Variants in DPY19L1 observed in about 807,000 individuals in gnomAD.
The protein encoded by DPY19L1 is dpy-19 like C-mannosyltransferase 1.
In DPY19L1, 35 loss-of-function variants were observed where a neutral mutation model predicts 96.9. That is an observed-to-expected ratio of 0.36 (90% confidence interval 0.28 to 0.48). DPY19L1 has a LOEUF of 0.48. DPY19L1 is among the 20% of genes least tolerant of loss of function. DPY19L1 has a pLI of 0.99. For missense variants in DPY19L1, 521 were observed against 777.9 expected (o/e 0.67, Z 3.93); for synonymous variants, 205 against 252.6 (o/e 0.81, Z 1.79).
chr7:34,990,353 C>T (rs1785140982), intron 6 of DPY19L1, among the ~76,000 whole-genome samples: 1 of 152,132 alleles, frequency 6.6e-6, no homozygotes. Flanking sequence ...GAGAGAAAGA[C>T]GTGCAAGGAA....
intron 10 of DPY19L1, among the ~76,000 whole-genome samples, chr7:34,962,314 T>C (rs1478665762): frequency 1.3e-5 from 2 of 152,216 alleles, no homozygotes; most frequent in Non-Finnish European, 2.9e-5. Context: ...GGAAACTTAT[T>C]TGCTTTTTAC....
intron 1 of DPY19L1, among the ~76,000 whole-genome samples, chr7:35,036,010 A>C (rs569712698): frequency 6.6e-6 from 1 of 152,290 alleles, no homozygotes; most frequent in Non-Finnish European, 1.5e-5. Flanking sequence ...ATGGGGGGAA[A>C]AAAAGTACCC....
chr7:34,942,000 G>A (rs1405644174), intron 17 of DPY19L1, 116 bp from the exon 18 acceptor site: 7 of 1,108,348 alleles, frequency 6.3e-6, no homozygotes, highest in Non-Finnish European at 8.8e-6. Context: ...TACTACTAAG[G>A]TTTCTGAAAC....
chr7:35,008,930 C>A (rs925337036), intron 6 of DPY19L1, among the ~76,000 whole-genome samples: 4 of 152,192 alleles, frequency 2.6e-5, no homozygotes, highest in African/African-American at 9.7e-5. Flanking sequence ...AGTCAGCCTC[C>A]TTTTCTCATT....
chr7:34,957,920 T>C, intron 11 of DPY19L1, 64 bp downstream of exon 11: 1 of 1,080,504 alleles, frequency 9.3e-7, no homozygotes, highest in Non-Finnish European at 1.4e-6. Flanking sequence ...CCTAAGCCAG[T>C]GAAGAAAAAA....
rs1320050013 is a variant in DPY19L1, at chr7:34,989,866, T to C, written c.822+18A>G. The C allele has an allele frequency of 1.3e-6, 2 of 1,572,072 alleles. No homozygotes were observed. The highest frequency in any genetic ancestry group is 1.2e-5 in the South Asian group (1 of 81,924). The stretch of plus-strand genomic sequence containing the variant: ...GCATTTCCAGAAGTAATTCTGAGAA[T>C]AGTTTTTGATTACCTACCTCTCCAT... On this transcript the variant is annotated intron_variant, in intron 7 of 21. Coordinates refer to ENST00000638088, the MANE Select transcript of DPY19L1 (RefSeq NM_001366673.1).
intron 9 of DPY19L1, among the ~76,000 whole-genome samples, chr7:34,968,815 A>C (rs1299274504): frequency 3.7e-5 from 5 of 134,446 alleles, no homozygotes; most frequent in Admixed American, 8.1e-5. Context: ...CAACTGCTTT[A>C]TACAAATATA....
intron 6 of DPY19L1, among the ~76,000 whole-genome samples, chr7:34,995,703 A>T (rs1291828508): frequency 6.6e-6 from 1 of 152,216 alleles, no homozygotes; most frequent in Non-Finnish European, 1.5e-5. Flanking sequence ...ATCAGAGTTA[A>T]TTCAAAACTA....
At chr7:34,977,128 T>C (rs528950416) in intron 7 of DPY19L1, among the ~76,000 whole-genome samples, 61 of 152,296 alleles carry the variant, frequency 4.0e-4, no homozygotes, top group South Asian at 2.1e-3. Flanking sequence ...TCACACTTAA[T>C]AGACTATAGT....
At chr7:34,981,370 A>T (rs1784935497) in intron 7 of DPY19L1, among the ~76,000 whole-genome samples, 1 of 152,206 alleles carries the variant, frequency 6.6e-6, no homozygotes, top group African/African-American at 2.4e-5. Context: ...ACCATTTGCA[A>T]TGGCTAATGT....
intron 1 of DPY19L1, 77 bp from the exon 2 acceptor site, chr7:35,018,673 A>G: frequency 1.6e-6 from 2 of 1,286,770 alleles, no homozygotes; most frequent in East Asian, 4.7e-5. Flanking sequence ...TTCAAAGATA[A>G]AGCATGTCAA....
chr7:34,999,708 C>T (rs1215052582), intron 6 of DPY19L1, among the ~76,000 whole-genome samples: 2 of 152,070 alleles, frequency 1.3e-5, no homozygotes, highest in Non-Finnish European at 2.9e-5. Flanking sequence ...TGACAAAGTA[C>T]AAAATAAGTG....
At chr7:35,023,697 G>C (rs1336968951) in intron 1 of DPY19L1, among the ~76,000 whole-genome samples, 1 of 152,118 alleles carries the variant, frequency 6.6e-6, no homozygotes, top group African/African-American at 2.4e-5. Flanking sequence ...AGAGATGGTT[G>C]AACCCAGGTG....
chr7:35,032,052 A>G (rs1252705555), intron 1 of DPY19L1, among the ~76,000 whole-genome samples: 1 of 152,050 alleles, frequency 6.6e-6, no homozygotes, highest in Non-Finnish European at 1.5e-5. Context: ...CCCTTATGCC[A>G]CCCCTAATAT....
Position 34,931,482 on chromosome 7 carries a change from A to G in DPY19L1, c.*91T>C. ...TTCTATTTGAAAACAGTTACCTATAAAAGTTTTTGGGATATGAACAACACA... is the reference window on the plus strand; with the variant it reads ...TTCTATTTGAAAACAGTTACCTATAGAAGTTTTTGGGATATGAACAACACA... On this transcript the variant is annotated 3_prime_UTR_variant, in exon 22 of 22. Coordinates refer to ENST00000638088, the MANE Select transcript of DPY19L1 (RefSeq NM_001366673.1). 1.5e-6 allele frequency: 2 copies of G among 1,352,506 alleles called. No homozygotes were observed. The highest frequency in any genetic ancestry group is 2.5e-5 in the South Asian group (1 of 39,794). The allele number at this position is 1,352,506 out of a possible 1,614,324, so 83.8% of individuals were successfully genotyped here. A position where few individuals can be genotyped will look rare whatever the true frequency, so the allele number is the denominator to read the frequency against.
At position 34,954,682 on chromosome 7, in the gene DPY19L1, T is replaced by C. The variant is rs3852260; in HGVS notation, c.1320+16A>G. 7.5e-6 allele frequency: 11 copies of C among 1,473,218 alleles called. No individual in the cohort carries two copies. In the African/African-American group the frequency reaches 1.4e-4, roughly 19 times the overall value. 91.3% of individuals were successfully genotyped at this position (1,473,218 alleles called of 1,614,324 possible). A position where few individuals can be genotyped will look rare whatever the true frequency, so the allele number is the denominator to read the frequency against. On this transcript the variant is annotated intron_variant, in intron 13 of 21. Transcript: ENST00000638088. Reference sequence around the variant, plus strand: ...TCTTTTCAAGTCTTTCAAATTTAAGTAAAAAATGCACTTACGTCATCTGCA... The same window carrying C: ...TCTTTTCAAGTCTTTCAAATTTAAGCAAAAAATGCACTTACGTCATCTGCA...
At chr7:35,002,808 G>A (rs148836216) in intron 6 of DPY19L1, among the ~76,000 whole-genome samples, 48 of 152,212 alleles carry the variant, frequency 3.2e-4, no homozygotes, top group South Asian at 1.7e-3. Context: ...TTGCTCTGTC[G>A]CCCAGGCTGG....
intron 7 of DPY19L1, among the ~76,000 whole-genome samples, chr7:34,988,424 C>A (rs1404411687): frequency 4.0e-5 from 6 of 151,754 alleles, no homozygotes; most frequent in South Asian, 2.1e-4. Context: ...TCAGGAAAAA[C>A]CAAATCTTTT....
intron 21 of DPY19L1, among the ~76,000 whole-genome samples, chr7:34,932,320 C>T (rs1436909806): frequency 3.3e-5 from 5 of 152,180 alleles, no homozygotes; most frequent in South Asian, 2.1e-4. Flanking sequence ...CCCAACATCA[C>T]GGCTTAGCCT....
Sources: gnomAD v4.1 joint callset for allele counts (sites outside exome capture counted in the v4.1 genomes callset) on GRCh38, gnomAD v4.1.1 for gene constraint, MANE v1.5 for transcripts, NCBI Gene and HGNC (gene_info 2026-07-23, HGNC 2026-07-21) for gene names.